The following ANK2 variants were observed in gnomAD, a reference collection of about 807,000 sequenced individuals.
ANK2 encodes the protein ankyrin 2.
A neutral mutation model predicts 360.5 loss-of-function variants in ANK2; 83 were observed. The ratio of observed to expected loss-of-function variants is 0.23; its 90% CI spans 0.19 to 0.28. ANK2 has a LOEUF of 0.28. Among genes scored for constraint, ANK2 ranks in the 10% least tolerant of loss-of-function variants. The pLI is 1.00. For missense variants in ANK2, 4,201 were observed against 4,795.7 expected (o/e 0.88, Z 3.66); for synonymous variants, 1,740 against 1,759.5 (o/e 0.99, Z 0.28).
chr4:113,000,833 T>C (rs1017614290), intron 2 of ANK2, among the ~76,000 whole-genome samples: 2 of 152,314 alleles, frequency 1.3e-5, no homozygotes, highest in Non-Finnish European at 2.9e-5. Context: ...TTGTTGATTT[T>C]ATTATCATCA....
chr4:112,752,688 T>C, the ANK2 span, among the ~76,000 whole-genome samples: 1 of 151,790 alleles, frequency 6.6e-6, no homozygotes, highest in African/African-American at 2.4e-5. Context: ...CCCACCTCTT[T>C]GTTTGTTTGA....
chr4:112,799,639 C>T, the ANK2 span, among the ~76,000 whole-genome samples: 1 of 151,984 alleles, frequency 6.6e-6, no homozygotes, highest in African/African-American at 2.4e-5. Context: ...GCCTCAGCCT[C>T]TCTAGTAGCT....
chr4:112,743,710 T>A, the ANK2 span, among the ~76,000 whole-genome samples: 1 of 151,654 alleles, frequency 6.6e-6, no homozygotes, highest in Non-Finnish European at 1.5e-5. Context: ...ACCCAGCTAA[T>A]TTTTTTGTAT....
At chr4:112,717,192 T>C in the ANK2 span, among the ~76,000 whole-genome samples, 1 of 152,222 alleles carries the variant, frequency 6.6e-6, no homozygotes, top group Non-Finnish European at 1.5e-5. Context: ...GTTCTTCAAA[T>C]CCATTAACCT....
At chr4:113,343,816 A>T (rs1195005399) in intron 34 of ANK2, among the ~76,000 whole-genome samples, 1 of 152,096 alleles carries the variant, frequency 6.6e-6, no homozygotes, top group African/African-American at 2.4e-5. Flanking sequence ...TTCCAAGCTC[A>T]TTTTTCTTCT....
intron 26 of ANK2, among the ~76,000 whole-genome samples, chr4:113,327,208 T>C (rs1272220084): frequency 6.6e-6 from 1 of 152,214 alleles, no homozygotes; most frequent in Admixed American, 6.5e-5. Flanking sequence ...TCTTTCTTCA[T>C]ATAATTTTAA....
chr4:112,880,864 G>T (rs1249382891), intron 1 of ANK2: 1 of 152,218 alleles, frequency 6.6e-6, no homozygotes, highest in Non-Finnish European at 1.5e-5. Flanking sequence ...GAGTCCTAGA[G>T]TGAGAGGAAA....
At chr4:113,091,825 G>A (rs756155385) in intron 1 of ANK2, among the ~76,000 whole-genome samples, 5 of 152,264 alleles carry the variant, frequency 3.3e-5, no homozygotes, top group Admixed American at 6.5e-5. Context: ...GCTTTTAATC[G>A]CTTGGCTCCA....
chr4:112,796,113 A>T, the ANK2 span, among the ~76,000 whole-genome samples: 842 of 152,092 alleles, frequency 5.5e-3, 4 homozygotes, highest in Middle Eastern at 0.017. Flanking sequence ...ATGAATTTTT[A>T]AAAAAATTGT....
chr4:113,356,794 A>T lies in ANK2; in HGVS notation c.8176A>T (p.Thr2726Ser). ...KQYTFKMNED[T>S]QEEPGKSEEE... Reference sequence around the variant, plus strand: ...ATATACTTTCAAGATGAATGAAGATACTCAGGAAGAGCCAGGCAAATCAGA... The same window carrying T: ...ATATACTTTCAAGATGAATGAAGATTCTCAGGAAGAGCCAGGCAAATCAGA... Residue 2726 changes from threonine (T) to serine (S), a missense_variant, in exon 38 of 46, where the codon ACT becomes TCT. By Grantham distance (58) the Thr-to-Ser change is moderately conservative. Transcript: ENST00000357077. 1 of 1,614,148 alleles carries T rather than the reference A, an allele frequency of 6.2e-7. No individual in the cohort carries two copies. The highest frequency in any genetic ancestry group is 2.2e-5 in the East Asian group (1 of 44,884).
intron 10 of ANK2, among the ~76,000 whole-genome samples, chr4:113,254,472 A>C (rs527759959): frequency 6.6e-6 from 1 of 152,346 alleles, no homozygotes; most frequent in African/African-American, 2.4e-5. Flanking sequence ...TTTTCAAAGA[A>C]ACATGCAACA....
chr4:113,356,983 G>C lies in ANK2; in HGVS notation c.8365G>C (p.Val2789Leu), dbSNP rs2095826054. ...AMSPSSSAAP[V>L]SSGLQSPTGD... ...GAGTCCTAGCAGCTCAGCTGCTCCT[G>C]TCTCTTCAGGTCTACAGAGTCCGAC... The change falls in exon 38 of 46, where the codon GTC becomes CTC. Residue 2789 changes from valine to leucine, a missense_variant. Around this residue, in one of 4 missense-constraint regions of ANK2, gnomAD observed 2,642 missense variants for 2,714.5 expected, o/e 0.97. Coordinates refer to ENST00000357077, the MANE Select transcript of ANK2 (RefSeq NM_001148.6). 6.2e-7 allele frequency: 1 copy of C among 1,614,052 alleles called. No homozygotes were observed. The highest frequency in any genetic ancestry group is 8.5e-7 in the Non-Finnish European group (1 of 1,179,970).
At chr4:113,374,472 C>T (rs1033310160) in intron 45 of ANK2, among the ~76,000 whole-genome samples, 13 of 152,294 alleles carry the variant, frequency 8.5e-5, no homozygotes, top group African/African-American at 2.6e-4. Context: ...AGAGTTTCTT[C>T]ACATATTATT....
At chr4:113,337,409 G>C (rs2093687204) in intron 31 of ANK2, among the ~76,000 whole-genome samples, 1 of 152,160 alleles carries the variant, frequency 6.6e-6, no homozygotes. Context: ...CAGAACGTTG[G>C]TAGTCTCTTC....
intron 1 of ANK2, among the ~76,000 whole-genome samples, chr4:113,078,667 A>T (rs2081110508): frequency 6.6e-6 from 1 of 152,204 alleles, no homozygotes; most frequent in South Asian, 2.1e-4. Context: ...AAGGTGCTCA[A>T]GTTCACTCAT....
At position 113,226,595 on chromosome 4, in the gene ANK2, A is replaced by C. The variant is rs147895177; in HGVS notation, c.385-5566A>C. Among the ~76,000 whole-genome samples the C allele has an allele frequency of 4.8e-3, 724 of 152,336 alleles. 9 individuals are homozygous for C. Among genetic ancestry groups the C allele is most frequent in the African/African-American group, 0.016 (677 of 41,574 alleles). Reference sequence around the variant, plus strand: ...AGGTGTTCACTAAAGTGTAATACAGAATTTTGCTAACTTGTCCATCTCAGT... The same window carrying C: ...AGGTGTTCACTAAAGTGTAATACAGCATTTTGCTAACTTGTCCATCTCAGT... On this transcript the variant is annotated intron_variant, in intron 4 of 45. Coordinates refer to ENST00000357077, the MANE Select transcript of ANK2 (RefSeq NM_001148.6).
intron 1 of ANK2, among the ~76,000 whole-genome samples, chr4:113,057,296 G>A (rs963321505): frequency 2.0e-5 from 3 of 152,174 alleles, no homozygotes; most frequent in Admixed American, 6.6e-5. Context: ...AGAGATCAGT[G>A]TAATTTTGTT....
At chr4:113,080,125 C>T (rs866530645) in intron 1 of ANK2, among the ~76,000 whole-genome samples, 1 of 152,102 alleles carries the variant, frequency 6.6e-6, no homozygotes, top group South Asian at 2.1e-4. Context: ...TCTCGAATTC[C>T]TGACCTAATG....
intron 2 of ANK2, among the ~76,000 whole-genome samples, chr4:112,991,701 G>A (rs1053669614): frequency 1.1e-4 from 15 of 137,348 alleles, no homozygotes; most frequent in Admixed American, 1.6e-4. Flanking sequence ...TAATAATTCC[G>A]TCCTCAACTG....
Sources: gnomAD v4.1 joint callset for allele counts (sites outside exome capture counted in the v4.1 genomes callset) on GRCh38, gnomAD v4.1.1 for gene constraint, gnomAD v4.1.1 regional missense constraint, MANE v1.5 for transcripts, NCBI Gene and HGNC (gene_info 2026-07-23, HGNC 2026-07-21) for gene names.